Variants in TMC1 observed in about 807,000 individuals in gnomAD.
The protein encoded by TMC1 is transmembrane channel like 1.
In TMC1, 84 loss-of-function variants were observed where a neutral mutation model predicts 105.8. The observed-to-expected ratio is 0.79, with a 90% CI of 0.67 to 0.95. The LOEUF (loss-of-function observed/expected upper bound fraction) is 0.95, where lower values mean the gene tolerates loss of function less well. Among genes scored for constraint, TMC1 ranks in the 40% least tolerant of loss-of-function variants. The pLI is 0.00. For missense variants in TMC1, 817 were observed against 914.1 expected, an observed-to-expected ratio of 0.89 and a Z score of 1.37; for synonymous variants, 315 against 311.5, an observed-to-expected ratio of 1.01 and a Z score of -0.12.
intron 10 of TMC1, among the ~76,000 whole-genome samples, chr9:72,743,440 G>A (rs1171918425): frequency 4.0e-5 from 6 of 149,872 alleles, no homozygotes; most frequent in Non-Finnish European, 8.9e-5. Flanking sequence ...TGGTGCAAAA[G>A]CCTGTAGTCC....
rs1209280698 is a variant in TMC1 at position 72,837,675 on chromosome 9, A to G, written c.*1702A>G. ...TCACTAGCCTTGTTGTGCGACTTTA[A>G]TTGCATAGCTTAACTCAGTGTGCCT... On this transcript the variant is annotated 3_prime_UTR_variant, in exon 24 of 24. Transcript: ENST00000297784. 1.3e-5 allele frequency: 2 copies of G among 152,200 alleles called. No homozygotes were observed. The highest frequency in any genetic ancestry group is 1.5e-5 in the Non-Finnish European group (1 of 68,038). 9.4% of individuals were successfully genotyped at this position (152,200 alleles called of 1,614,324 possible).
chr9:72,774,432 G>A (rs576974278), intron 13 of TMC1, among the ~76,000 whole-genome samples: 1 of 152,256 alleles, frequency 6.6e-6, no homozygotes, highest in African/African-American at 2.4e-5. Flanking sequence ...TCAAGTCTTT[G>A]AAATCTGGTG....
chr9:72,740,622 AC>A (rs1342293839), intron 9 of TMC1, among the ~76,000 whole-genome samples: 2 of 152,174 alleles, frequency 1.3e-5, no homozygotes, highest in African/African-American at 4.8e-5. Flanking sequence ...TAAATGATAT[AC>A]TGATACAAAT....
intron 20 of TMC1, among the ~76,000 whole-genome samples, chr9:72,823,447 T>G (rs1828904985): frequency 6.6e-6 from 1 of 152,226 alleles, no homozygotes; most frequent in Admixed American, 6.5e-5. Flanking sequence ...TGAACTAGGT[T>G]ACTGGAGGTA....
chr9:72,765,837 G>A (rs780101233), intron 12 of TMC1, among the ~76,000 whole-genome samples: 2 of 152,130 alleles, frequency 1.3e-5, no homozygotes, highest in South Asian at 4.1e-4. Flanking sequence ...ATGGCATTGG[G>A]CATAGGGTCT....
intron 8 of TMC1, among the ~76,000 whole-genome samples, chr9:72,731,197 C>T (rs1827207359): frequency 6.6e-6 from 1 of 152,222 alleles, no homozygotes; most frequent in Non-Finnish European, 1.5e-5. Context: ...AAATTCACAT[C>T]TATGCCAGGT....
chr9:72,805,971 G>C (rs955582305), intron 18 of TMC1, among the ~76,000 whole-genome samples: 1 of 152,164 alleles, frequency 6.6e-6, no homozygotes. Flanking sequence ...GCAACCATCC[G>C]ATTTCTCAAT....
At chr9:72,559,029 A>G (rs1823997685) in intron 1 of TMC1, among the ~76,000 whole-genome samples, 1 of 152,120 alleles carries the variant, frequency 6.6e-6, no homozygotes, top group African/African-American at 2.4e-5. Flanking sequence ...AAGTCATACA[A>G]CTTCTCTGAT....
intron 5 of TMC1, among the ~76,000 whole-genome samples, chr9:72,674,776 G>A (rs1292362800): frequency 6.6e-6 from 1 of 152,170 alleles, no homozygotes; most frequent in Non-Finnish European, 1.5e-5. Flanking sequence ...TGGAGAGAGT[G>A]GCAGAATTCA....
chr9:72,547,364 A>G (rs1823790253), intron 1 of TMC1, among the ~76,000 whole-genome samples: 1 of 152,032 alleles, frequency 6.6e-6, no homozygotes, highest in Admixed American at 6.6e-5. Flanking sequence ...AAAAAAAATC[A>G]TACATGAAGA....
intron 8 of TMC1, among the ~76,000 whole-genome samples, chr9:72,706,928 C>A (rs891272416): frequency 2.0e-5 from 3 of 152,070 alleles, no homozygotes; most frequent in Non-Finnish European, 4.4e-5. Flanking sequence ...GCATGTGCCA[C>A]AACACCCAGC....
chr9:72,784,615 T>C lies in TMC1; in HGVS notation c.885-3724T>C, dbSNP rs145914646. 5.1e-4 allele frequency among the ~76,000 whole-genome samples: 77 copies of C among 152,264 alleles called. 2 individuals are homozygous for C. Among genetic ancestry groups the C allele is most frequent in the African/African-American group, 1.3e-3 (52 of 41,552 alleles). ...GTAAATATCAAAGGAGTAGAAATCA[T>C]TGTACTATAAAGACACATGTACTCA... On this transcript the variant is annotated intron_variant, in intron 13 of 23. Coordinates refer to ENST00000297784, the MANE Select transcript of TMC1 (RefSeq NM_138691.3).
chr9:72,617,902 A>T (rs1286096523), intron 3 of TMC1, among the ~76,000 whole-genome samples: 1 of 134,326 alleles, frequency 7.4e-6, no homozygotes, highest in African/African-American at 2.8e-5. Flanking sequence ...CAAGAAGTCT[A>T]TGTGTGGTGT....
At chr9:72,574,390 C>T (rs1044838445) in intron 1 of TMC1, among the ~76,000 whole-genome samples, 14 of 147,314 alleles carry the variant, frequency 9.5e-5, no homozygotes, top group African/African-American at 3.8e-4. Context: ...GATCCCTTGG[C>T]TCAGAAACAG....
At chr9:72,565,881 C>A (rs922291813) in intron 1 of TMC1, among the ~76,000 whole-genome samples, 1 of 152,194 alleles carries the variant, frequency 6.6e-6, no homozygotes, top group African/African-American at 2.4e-5. Flanking sequence ...TTACCTCCCA[C>A]CAGCTCCCCT....
intron 5 of TMC1, among the ~76,000 whole-genome samples, chr9:72,670,020 A>G (rs1826104206): frequency 6.6e-6 from 1 of 152,156 alleles, no homozygotes; most frequent in African/African-American, 2.4e-5. Context: ...TTTCTGAGTT[A>G]AGGAGAGAGA....
intron 8 of TMC1, among the ~76,000 whole-genome samples, chr9:72,719,694 C>A (rs925839268): frequency 3.3e-5 from 5 of 152,176 alleles, no homozygotes; most frequent in Non-Finnish European, 5.9e-5. Context: ...GTGGGGGCTG[C>A]AATTTAGTCC....
chr9:72,561,167 A>G (rs559578980), intron 1 of TMC1, among the ~76,000 whole-genome samples: 24 of 151,796 alleles, frequency 1.6e-4, no homozygotes, highest in Non-Finnish European at 3.4e-4. Context: ...TAAAAATGCA[A>G]AAAATTAGCC....
chr9:72,715,095 G>A (rs1053202843), intron 8 of TMC1, among the ~76,000 whole-genome samples: 2 of 150,692 alleles, frequency 1.3e-5, no homozygotes, highest in Non-Finnish European at 3.0e-5. Flanking sequence ...TATTGGCACT[G>A]TCTTCTGGCT....
Sources: allele counts gnomAD v4.1 joint callset (sites outside exome capture counted in the v4.1 genomes callset), GRCh38; gene constraint gnomAD v4.1.1; transcripts MANE v1.5; gene names NCBI Gene and HGNC (gene_info 2026-07-23, HGNC 2026-07-21).